Variants in ELMO1 observed in about 807,000 individuals in gnomAD.
ELMO1 encodes the protein engulfment and cell motility 1.
In ELMO1, 26 loss-of-function variants were observed where a neutral mutation model predicts 98.9. The ratio of observed to expected loss-of-function variants is 0.26; its 90% confidence interval spans 0.19 to 0.36. The LOEUF is 0.36. Among genes scored for constraint, ELMO1 ranks in the 10% least tolerant of loss-of-function variants. The probability of loss-of-function intolerance (pLI) is 1.00; values close to 1 mark genes in which losing one functional copy is unlikely to be tolerated. For synonymous variants in ELMO1, 346 were observed against 346.0 expected, an observed-to-expected ratio of 1.00 and a Z score of 0.00; for missense variants, 627 against 935.2, an observed-to-expected ratio of 0.67 and a Z score of 4.30.
At chr7:37,268,046 A>G (rs555932107) in intron 5 of ELMO1, among the ~76,000 whole-genome samples, 2 of 152,336 alleles carry the variant, frequency 1.3e-5, no homozygotes, top group South Asian at 4.1e-4. Flanking sequence ...CACCATAAGC[A>G]CTTCTTAAAA....
At chr7:37,303,275 G>A (rs1798437736) in intron 4 of ELMO1, among the ~76,000 whole-genome samples, 1 of 152,072 alleles carries the variant, frequency 6.6e-6, no homozygotes, top group Non-Finnish European at 1.5e-5. Context: ...TCATCCTGAT[G>A]GGTTCTAACA....
At chr7:37,175,820 C>G (rs1156291129) in intron 13 of ELMO1, among the ~76,000 whole-genome samples, 6 of 152,026 alleles carry the variant, frequency 3.9e-5, no homozygotes, top group Non-Finnish European at 8.8e-5. Context: ...GCACTCCAGC[C>G]TGGGCGACAG....
intron 1 of ELMO1, among the ~76,000 whole-genome samples, chr7:37,411,402 A>G (rs1297351009): frequency 6.6e-6 from 1 of 152,230 alleles, no homozygotes; most frequent in Non-Finnish European, 1.5e-5. Context: ...TGTAGCAGTG[A>G]TGAAAGTGGA....
intron 17 of ELMO1, among the ~76,000 whole-genome samples, chr7:36,891,065 T>G (rs942659149): frequency 6.6e-6 from 1 of 152,230 alleles, no homozygotes; most frequent in African/African-American, 2.4e-5. Flanking sequence ...GGCACCATCC[T>G]AATTAGAGAC....
intron 1 of ELMO1, among the ~76,000 whole-genome samples, chr7:37,406,650 G>C (rs916602021): frequency 1.3e-5 from 2 of 151,906 alleles, no homozygotes; most frequent in Admixed American, 6.6e-5. Flanking sequence ...CACCGTGTTA[G>C]GCAGGATGGT....
rs190281848 is a variant in ELMO1 at position 37,129,815 on chromosome 7, T to C, written c.1191+3315A>G. On this transcript the variant is annotated intron_variant, in intron 14 of 21. Coordinates refer to ENST00000310758, the MANE Select transcript of ELMO1 (RefSeq NM_014800.11). The stretch of plus-strand genomic sequence containing the variant: ...TTCATTTAAAACACTTCAGAAATTC[T>C]TCACTGCCTTTAGGTCCAACAGACC... 3.9e-5 allele frequency among the ~76,000 whole-genome samples: 6 copies of C among 152,340 alleles called. No individual in the cohort carries two copies. In the East Asian group the frequency reaches 7.7e-4, roughly 20 times the overall value.
At chr7:37,207,322 G>GGCA (rs1792690429) in intron 13 of ELMO1, among the ~76,000 whole-genome samples, 1 of 152,148 alleles carries the variant, frequency 6.6e-6, no homozygotes, top group Admixed American at 6.5e-5. Flanking sequence ...AGGCCAAAGT[G>GGCA]GGTGGTTCAC....
chr7:37,282,153 A>C (rs1039579032), intron 4 of ELMO1, among the ~76,000 whole-genome samples: 9 of 152,224 alleles, frequency 5.9e-5, no homozygotes, highest in African/African-American at 2.2e-4. Context: ...GCCTACTCAA[A>C]AATCCCAATT....
chr7:37,357,677 G>A (rs1801544753), intron 1 of ELMO1, among the ~76,000 whole-genome samples: 1 of 151,988 alleles, frequency 6.6e-6, no homozygotes, highest in Admixed American at 6.6e-5. Context: ...TTCACTTTAG[G>A]AGGCTCTGCC....
rs193017102 is a variant in ELMO1 at position 36,911,093 on chromosome 7, A to T, written c.1438-16076T>A. Among the ~76,000 whole-genome samples the T allele has an allele frequency of 4.1e-4, 63 of 152,294 alleles. No individual in the cohort carries two copies. The East Asian group carries it at 9.6e-3, about 23-fold the overall frequency. On this transcript the variant is annotated intron_variant, in intron 16 of 21. Transcript: ENST00000310758. ...AGAGAGAAAGGTGTTCTCTGCCAGG[A>T]ACAACCACCCACATGGTGCTGTGGA...
intron 1 of ELMO1, among the ~76,000 whole-genome samples, chr7:37,447,714 C>CACACACACACA (rs1554316231): frequency 7.6e-6 from 1 of 132,142 alleles, no homozygotes; most frequent in African/African-American, 3.1e-5. Context: ...CGCGCACACA[C>CACACACACACA]CACACACACA....
At chr7:37,005,047 T>TGC (rs1420061222) in intron 16 of ELMO1, among the ~76,000 whole-genome samples, 3 of 132,034 alleles carry the variant, frequency 2.3e-5, no homozygotes, top group African/African-American at 8.8e-5. Flanking sequence ...AGTTGGAGGT[T>TGC]GCGGTGAGCC....
At chr7:37,328,392 A>AAAAAAAAC (rs1258181326) in intron 2 of ELMO1, among the ~76,000 whole-genome samples, 1 of 128,922 alleles carries the variant, frequency 7.8e-6, no homozygotes, top group Non-Finnish European at 1.8e-5. Flanking sequence ...ACAAAAAAAA[A>AAAAAAAAC]AAAAAAAAAA....
At chr7:37,034,354 ACAAACCAATGCCTTGATCT>A (rs1217463636) in intron 15 of ELMO1, among the ~76,000 whole-genome samples, 1 of 152,162 alleles carries the variant, frequency 6.6e-6, no homozygotes, top group Non-Finnish European at 1.5e-5. Flanking sequence ...GGCCCCAGGA[ACAAACCAATGCCTTGATCT>A]CAGACTCTGG....
chr7:37,188,409 TACACACACACACAC>T lies in ELMO1; in HGVS notation c.1086+22963_1086+22976del, dbSNP rs566236838. Among the ~76,000 whole-genome samples, 957 of 115,852 alleles carry T rather than the reference TACACACACACACAC, an allele frequency of 8.3e-3. 24 individuals carry two copies. Among genetic ancestry groups the T allele is most frequent in the Admixed American group, 0.054 (581 of 10,790 alleles). 76.0% of individuals were successfully genotyped at this position (115,852 alleles called of 152,430 possible). On this transcript the variant is annotated intron_variant, in intron 13 of 21. Coordinates refer to ENST00000310758, the MANE Select transcript of ELMO1 (RefSeq NM_014800.11). ...TTAACATACAGACTGTGCTTCTTGT[TACACACACACACAC>T]ACACACACACACACACACACACACA...
intron 16 of ELMO1, among the ~76,000 whole-genome samples, chr7:36,960,321 T>C (rs1788833159): frequency 6.6e-6 from 1 of 152,238 alleles, no homozygotes; most frequent in Non-Finnish European, 1.5e-5. Flanking sequence ...GCTCTAAGAC[T>C]AGCTCTCTGA....
chr7:37,402,908 G>A (rs1402023176), intron 1 of ELMO1, among the ~76,000 whole-genome samples: 1 of 152,142 alleles, frequency 6.6e-6, no homozygotes, highest in Non-Finnish European at 1.5e-5. Context: ...AGAGTTAAAC[G>A]TAATCTTGTC....
At chr7:37,005,835 C>T (rs567499260) in intron 16 of ELMO1, among the ~76,000 whole-genome samples, 1 of 152,156 alleles carries the variant, frequency 6.6e-6, no homozygotes, top group South Asian at 2.1e-4. Context: ...CATTTGGAAT[C>T]CCGTGTCACC....
intron 5 of ELMO1, among the ~76,000 whole-genome samples, chr7:37,265,060 C>T (rs759809330): frequency 1.7e-4 from 26 of 152,124 alleles, no homozygotes; most frequent in Non-Finnish European, 8.8e-5. Flanking sequence ...CCTTAAACCC[C>T]CTCTATGCCT....
Sources: allele counts gnomAD v4.1 joint callset (sites outside exome capture counted in the v4.1 genomes callset), GRCh38; gene constraint gnomAD v4.1.1; transcripts MANE v1.5; gene names NCBI Gene and HGNC (gene_info 2026-07-23, HGNC 2026-07-21).